The following SLC35D3 variants were observed in gnomAD, a reference collection of about 807,000 sequenced individuals.
The protein encoded by SLC35D3 is frc, fringe-like 1.
Under a neutral mutation model 20.3 loss-of-function variants are expected in SLC35D3, and 18 were observed. The ratio of observed to expected loss-of-function variants is 0.89; its 90% confidence interval spans 0.61 to 1.32. SLC35D3 has a LOEUF of 1.32. SLC35D3 is among the 40% of genes most tolerant of loss of function. The pLI, the probability that SLC35D3 is intolerant of heterozygous loss-of-function variation, is 0.00. For missense variants in SLC35D3, 556 were observed against 565.5 expected, an observed-to-expected ratio of 0.98 and a Z score of 0.17; for synonymous variants, 313 against 263.5, an observed-to-expected ratio of 1.19 and a Z score of -1.82.
At position 136,923,991 on chromosome 6, in the gene SLC35D3, C is replaced by G. The variant is rs145079292; in HGVS notation, c.546C>G (p.Thr182=). The change falls in exon 2 of 2, where the codon ACC becomes ACG. Residue 182 remains threonine (T), a synonymous_variant. Coordinates refer to ENST00000331858, the MANE Select transcript of SLC35D3 (RefSeq NM_001008783.3). This position sits in a 1 kb window ranked among gnomAD's most constrained non-coding sequence, Gnocchi z 6.2. ...TCATCCAGAAGGCCAGCGCAGACACCGAGCACGGGCCGCTCACCGCGCAGT... is the reference window on the plus strand; with the variant it reads ...TCATCCAGAAGGCCAGCGCAGACACGGAGCACGGGCCGCTCACCGCGCAGT... ...LVLIQKASAD[T]EHGPLTAQYV... The G allele has an allele frequency of 1.4e-5, 22 of 1,588,462 alleles. No individual in the cohort carries two copies. The African/African-American group carries it at 2.7e-4, about 19-fold the overall frequency.
Position 136,924,044 on chromosome 6 carries a change from T to C in SLC35D3, c.599T>C (p.Leu200Pro). The part of the protein sequence containing the change: ...QYVIAVSATP[L>P]LVICSFASTD... ...GTCATCGCCGTCTCTGCCACCCCGC[T>C]GCTGGTCATCTGCTCCTTCGCCAGC... Residue 200 changes from leucine (L) to proline (P), a missense_variant, in exon 2 of 2, where the codon CTG (leucine) becomes CCG (proline). Leu to Pro is a moderately conservative substitution (Grantham distance 98). Coordinates refer to ENST00000331858, the MANE Select transcript of SLC35D3 (RefSeq NM_001008783.3). 1 of 1,608,552 alleles carries C rather than the reference T, an allele frequency of 6.2e-7. No individual in the cohort carries two copies. The highest frequency in any genetic ancestry group is 8.5e-7 in the Non-Finnish European group (1 of 1,178,912).
Position 136,923,746 on chromosome 6 carries a change from G to T in SLC35D3, c.440-139G>T. 1 of 813,756 alleles carries T rather than the reference G, an allele frequency of 1.2e-6. No homozygotes were observed. Among genetic ancestry groups the T allele is most frequent in the South Asian group, 1.9e-5 (1 of 53,810 alleles). The allele number at this position is 813,756 out of a possible 1,614,324, so 50.4% of individuals were successfully genotyped here. A position where few individuals can be genotyped will look rare whatever the true frequency, so the allele number is the denominator to read the frequency against. ...CGGGCGTCTGTCACTCAGGAATCCG[G>T]TGGGCAGAGCTGGGGCGCGAACCCA... On this transcript the variant is annotated intron_variant, in intron 1 of 1. Transcript: ENST00000331858. The surrounding 1 kb of genome is among the most constrained non-coding windows in gnomAD (Gnocchi z 6.2).
At position 136,922,850 on chromosome 6, in the gene SLC35D3, G is replaced by T; in HGVS notation, c.422G>T (p.Cys141Phe). 1 of 1,540,404 alleles carries T rather than the reference G, an allele frequency of 6.5e-7. No homozygotes were observed. ...GVLAAVLITT[C>F]GAALAGAGDL... ...CTGGCGGCGGTGCTCATCACCACCT[G>T]CGGCGCCGCCCTGGCAGGTGAGCGG... The change falls in exon 1 of 2, where the codon TGC (cysteine) becomes TTC (phenylalanine). Residue 141 changes from cysteine to phenylalanine, a missense_variant. Physicochemically the swap from Cys to Phe is radical, Grantham distance 205 (BLOSUM62 -2). Transcript: ENST00000331858. The surrounding 1 kb of genome is among the most constrained non-coding windows in gnomAD (Gnocchi z 6.8).
At position 136,924,796 on chromosome 6, in the gene SLC35D3, T is replaced by C; in HGVS notation, c.*100T>C. The stretch of plus-strand genomic sequence containing the variant: ...CCTCCCCGTTTTATTCTTTGAGGAG[T>C]GGGGAAGGGAAGAAAAGAAAGAAGC... On this transcript the variant is annotated 3_prime_UTR_variant, in exon 2 of 2. Transcript: ENST00000331858. 8.3e-7 allele frequency: 1 copy of C among 1,199,418 alleles called. No homozygotes were observed. The highest frequency in any genetic ancestry group is 1.1e-6 in the Non-Finnish European group (1 of 883,168). The allele number at this position is 1,199,418 out of a possible 1,614,324, so 74.3% of individuals were successfully genotyped here.
Position 136,924,287 on chromosome 6 carries a change from C to T in SLC35D3, c.842C>T (p.Ser281Phe). Residue 281 changes from serine (S) to phenylalanine (F), a missense_variant, in exon 2 of 2, where the codon TCT becomes TTT. Physicochemically the swap from Ser to Phe is radical, Grantham distance 155 (BLOSUM62 -2). Coordinates refer to ENST00000331858, the MANE Select transcript of SLC35D3 (RefSeq NM_001008783.3). ...GCCTTCAGCGACGTGGAGCCCACCT[C>T]TCTGTTCATTGCCGGCGTGGTGGTG... is the stretch of plus-strand genomic sequence containing the variant. ...MVAFSDVEPT[S>F]LFIAGVVVNT... 4 of 1,614,166 alleles carry T rather than the reference C, an allele frequency of 2.5e-6. No homozygotes were observed. Among genetic ancestry groups the T allele is most frequent in the Non-Finnish European group, 2.5e-6 (3 of 1,180,048 alleles).
chr6:136,924,754 C>G lies in SLC35D3; in HGVS notation c.*58C>G. ...CACTTATTTTATATGTTAGAAATGA[C>G]GTGTTTTAATGAGAGGCCTCCCCGT... On this transcript the variant is annotated 3_prime_UTR_variant, in exon 2 of 2. Coordinates refer to ENST00000331858, the MANE Select transcript of SLC35D3 (RefSeq NM_001008783.3). The G allele has an allele frequency of 6.8e-7, 1 of 1,476,038 alleles. No homozygotes were observed. Among genetic ancestry groups the G allele is most frequent in the Non-Finnish European group, 9.1e-7 (1 of 1,104,170 alleles). The allele number at this position is 1,476,038 out of a possible 1,614,324, so 91.4% of individuals were successfully genotyped here.
At position 136,924,680 on chromosome 6, in the gene SLC35D3, A is replaced by G. The variant is rs1221929081; in HGVS notation, c.1235A>G (p.Glu412Gly). The G allele has an allele frequency of 3.7e-6, 6 of 1,610,924 alleles. No individual in the cohort carries two copies. The highest frequency in any genetic ancestry group is 5.1e-6 in the Non-Finnish European group (6 of 1,178,150). ...AAGGATTATTTGATAGAAAACGAGG[A>G]GTTACCCAGTCCTTGAGAAGGAGGT... is the stretch of plus-strand genomic sequence containing the variant. Reference protein sequence around the residue: ...MKKDYLIENEELPSP With the variant: ...MKKDYLIENEGLPSP The change falls in exon 2 of 2, where the codon GAG becomes GGG. Residue 412 changes from glutamate (E) to glycine (G), a missense_variant. Physicochemically the swap from Glu to Gly is moderately conservative, Grantham distance 98. Coordinates refer to ENST00000331858, the MANE Select transcript of SLC35D3 (RefSeq NM_001008783.3).
Position 136,924,608 on chromosome 6 carries a change from C to A in SLC35D3, c.1163C>A (p.Ala388Asp). ...GGGAGCAGGAGGTCGTTAAAAGATG[C>A]TTACCTCGAGGTATGGAGGTTGGTT... Reference protein sequence around the residue: ...EEGSRRSLKDAYLEVWRLVRG... With the variant: ...EEGSRRSLKDDYLEVWRLVRG... Residue 388 changes from alanine to aspartate, a missense_variant, in exon 2 of 2, where the codon GCT (alanine) becomes GAT (aspartate). Physicochemically the swap from Ala to Asp is moderately radical, Grantham distance 126 (BLOSUM62 -2). Coordinates refer to ENST00000331858, the MANE Select transcript of SLC35D3 (RefSeq NM_001008783.3). 1 of 1,614,048 alleles carries A rather than the reference C, an allele frequency of 6.2e-7. No homozygotes were observed.
chr6:136,923,995 C>T lies in SLC35D3; in HGVS notation c.550C>T (p.His184Tyr). The change falls in exon 2 of 2, where the codon CAC (histidine) becomes TAC (tyrosine). Residue 184 changes from histidine to tyrosine, a missense_variant. Transcript: ENST00000331858. The surrounding 1 kb of genome is among the most constrained non-coding windows in gnomAD (Gnocchi z 6.2). Reference sequence around the variant, plus strand: ...CCAGAAGGCCAGCGCAGACACCGAGCACGGGCCGCTCACCGCGCAGTACGT... The same window carrying T: ...CCAGAAGGCCAGCGCAGACACCGAGTACGGGCCGCTCACCGCGCAGTACGT... Reference protein sequence around the residue: ...LIQKASADTEHGPLTAQYVIA... With the variant: ...LIQKASADTEYGPLTAQYVIA... The T allele has an allele frequency of 6.3e-7, 1 of 1,591,092 alleles. No homozygotes were observed.
Position 136,924,300 on chromosome 6 carries a change from C to T in SLC35D3, c.855C>T (p.Ala285=). 1.9e-6 allele frequency: 3 copies of T among 1,614,122 alleles called. No homozygotes were observed. Among genetic ancestry groups the T allele is most frequent in the Non-Finnish European group, 2.5e-6 (3 of 1,180,038 alleles). The change falls in exon 2 of 2, where the codon GCC becomes GCT. Residue 285 remains alanine, a synonymous_variant. Transcript: ENST00000331858. ...SDVEPTSLFI[A]GVVVNTLGSI... is the part of the protein sequence containing the mutation. ...TGGAGCCCACCTCTCTGTTCATTGCCGGCGTGGTGGTGAACACCCTGGGCT... is the reference window on the plus strand; with the variant it reads ...TGGAGCCCACCTCTCTGTTCATTGCTGGCGTGGTGGTGAACACCCTGGGCT...
chr6:136,923,870 C>T lies in SLC35D3; in HGVS notation c.440-15C>T. 1 of 1,499,640 alleles carries T rather than the reference C, an allele frequency of 6.7e-7. No homozygotes were observed. Among genetic ancestry groups the T allele is most frequent in the Non-Finnish European group, 8.9e-7 (1 of 1,123,152 alleles). The allele number at this position is 1,499,640 out of a possible 1,614,324, so 92.9% of individuals were successfully genotyped here. A position where few individuals can be genotyped will look rare whatever the true frequency, so the allele number is the denominator to read the frequency against. On this transcript the variant is annotated splice_polypyrimidine_tract_variant and intron_variant, in intron 1 of 1. Coordinates refer to ENST00000331858, the MANE Select transcript of SLC35D3 (RefSeq NM_001008783.3). The surrounding 1 kb of genome is among the most constrained non-coding windows in gnomAD (Gnocchi z 6.2). ...CTTCCCGCCCGGGCTCGGCCGTCCT[C>T]CTCGTGCGCCGCAGGAGCCGGCGAC...
rs1776115120 is a variant in SLC35D3 at position 136,925,002 on chromosome 6, A to G, written c.*306A>G. 1 of 234,732 alleles carries G rather than the reference A, an allele frequency of 4.3e-6. No homozygotes were observed. Among genetic ancestry groups the G allele is most frequent in the Non-Finnish European group, 8.3e-6 (1 of 120,376 alleles). The allele number at this position is 234,732 out of a possible 1,614,324, so 14.5% of individuals were successfully genotyped here. On this transcript the variant is annotated 3_prime_UTR_variant, in exon 2 of 2. Coordinates refer to ENST00000331858, the MANE Select transcript of SLC35D3 (RefSeq NM_001008783.3). ...ATTATAACCATAACTAAATATCTGCATGTACCAAGAGTCCCTAAGCCACCC... is the reference window on the plus strand; with the variant it reads ...ATTATAACCATAACTAAATATCTGCGTGTACCAAGAGTCCCTAAGCCACCC...
In SLC35D3 at chr6:136,923,167, C is replaced by G. The variant is rs972849595; in HGVS notation, c.439+300C>G. ...CCCTCTCCTGGTCTTCCCCTGTCAC[C>G]CCATTCTCCGGGAGAGGTGGGAGGG... is the stretch of plus-strand genomic sequence containing the variant. On this transcript the variant is annotated intron_variant, in intron 1 of 1. Transcript: ENST00000331858. The surrounding 1 kb of genome is among the most constrained non-coding windows in gnomAD (Gnocchi z 6.2). Among the ~76,000 whole-genome samples the G allele has an allele frequency of 6.6e-6, 1 of 152,178 alleles. No homozygotes were observed. Among genetic ancestry groups the G allele is most frequent in the Non-Finnish European group, 1.5e-5 (1 of 68,030 alleles).
rs1195617970 is a variant in SLC35D3 at position 136,923,831 on chromosome 6, CTT to C, written c.440-53_440-52del. On this transcript the variant is annotated intron_variant, in intron 1 of 1. Coordinates refer to ENST00000331858, the MANE Select transcript of SLC35D3 (RefSeq NM_001008783.3). This position sits in a 1 kb window ranked among gnomAD's most constrained non-coding sequence, Gnocchi z 6.2. ...GTCCCCGCCCACGCCAACCTGCTGT[CTT>C]CTCTCTTTTTCCTTCCCGCCCGGGC... 1 of 1,453,194 alleles carries C rather than the reference CTT, an allele frequency of 6.9e-7. No individual in the cohort carries two copies. Among genetic ancestry groups the C allele is most frequent in the African/African-American group, 1.4e-5 (1 of 70,918 alleles). 90.0% of individuals were successfully genotyped at this position (1,453,194 alleles called of 1,614,324 possible).
rs765284697 is a variant in SLC35D3 at position 136,924,675 on chromosome 6, C to G, written c.1230C>G (p.Asn410Lys). 2.5e-6 allele frequency: 4 copies of G among 1,612,216 alleles called. No homozygotes were observed. Among genetic ancestry groups the G allele is most frequent in the South Asian group, 2.2e-5 (2 of 90,934 alleles). Residue 410 changes from asparagine (N) to lysine (K), a missense_variant, in exon 2 of 2, where the codon AAC (asparagine) becomes AAG (lysine). Transcript: ENST00000331858. ...TGAAGAAGGATTATTTGATAGAAAA[C>G]GAGGAGTTACCCAGTCCTTGAGAAG... The part of the protein sequence containing the change: ...RYMKKDYLIE[N>K]EELPSP
At position 136,922,580 on chromosome 6, in the gene SLC35D3, C is replaced by A; in HGVS notation, c.152C>A (p.Thr51Asn). 6.2e-7 allele frequency: 1 copy of A among 1,612,474 alleles called. No homozygotes were observed. The highest frequency in any genetic ancestry group is 8.5e-7 in the Non-Finnish European group (1 of 1,179,728). ...LTLVQCLTSS[T>N]AALSLELLRR... ...CTGGTGCAGTGCCTGACCAGCTCCA[C>A]CGCGGCGCTGAGCCTGGAGCTGCTG... is the stretch of plus-strand genomic sequence containing the variant. The change falls in exon 1 of 2, where the codon ACC (threonine) becomes AAC (asparagine). Residue 51 changes from threonine (T) to asparagine (N), a missense_variant. Transcript: ENST00000331858. The surrounding 1 kb of genome is among the most constrained non-coding windows in gnomAD (Gnocchi z 6.8).
rs1211226455 is a variant in SLC35D3, at chr6:136,923,290, G to T, written c.439+423G>T. On this transcript the variant is annotated intron_variant, in intron 1 of 1. Coordinates refer to ENST00000331858, the MANE Select transcript of SLC35D3 (RefSeq NM_001008783.3). This position sits in a 1 kb window ranked among gnomAD's most constrained non-coding sequence, Gnocchi z 6.2. The stretch of plus-strand genomic sequence containing the variant: ...GGTCACGAGGGGCTGGAATGGAGGT[G>T]GGGGATGGGGGCGAAGCTGAGGGTT... 1.3e-5 allele frequency among the ~76,000 whole-genome samples: 2 copies of T among 152,212 alleles called. No homozygotes were observed. The highest frequency in any genetic ancestry group is 1.3e-4 in the Admixed American group (2 of 15,292).
At position 136,925,007 on chromosome 6, in the gene SLC35D3, C is replaced by G. The variant is rs1776115245; in HGVS notation, c.*311C>G. 1 of 220,668 alleles carries G rather than the reference C, an allele frequency of 4.5e-6. No individual in the cohort carries two copies. Among genetic ancestry groups the G allele is most frequent in the South Asian group, 1.0e-4 (1 of 9,606 alleles). The allele number at this position is 220,668 out of a possible 1,614,324, so 13.7% of individuals were successfully genotyped here. ...AACCATAACTAAATATCTGCATGTACCAAGAGTCCCTAAGCCACCCCCTCC... is the reference window on the plus strand; with the variant it reads ...AACCATAACTAAATATCTGCATGTAGCAAGAGTCCCTAAGCCACCCCCTCC... On this transcript the variant is annotated 3_prime_UTR_variant, in exon 2 of 2. Transcript: ENST00000331858.
Position 136,923,550 on chromosome 6 carries a change from G to A in SLC35D3, c.440-335G>A, listed in dbSNP as rs1030396531. 1.3e-5 allele frequency among the ~76,000 whole-genome samples: 2 copies of A among 152,230 alleles called. No individual in the cohort carries two copies. The highest frequency in any genetic ancestry group is 6.5e-5 in the Admixed American group (1 of 15,292). On this transcript the variant is annotated intron_variant, in intron 1 of 1. Coordinates refer to ENST00000331858, the MANE Select transcript of SLC35D3 (RefSeq NM_001008783.3). This position sits in a 1 kb window ranked among gnomAD's most constrained non-coding sequence, Gnocchi z 6.2. Reference sequence around the variant, plus strand: ...CGGGGTGCAGGTACCACGCGCCCAAGTGACCTCGGTGCCAGCTCGGGGAAG... The same window carrying A: ...CGGGGTGCAGGTACCACGCGCCCAAATGACCTCGGTGCCAGCTCGGGGAAG...
Sources: gnomAD v4.1 joint callset for allele counts (sites outside exome capture counted in the v4.1 genomes callset) on GRCh38, gnomAD v4.1.1 for gene constraint, Gnocchi (gnomAD v3.1) non-coding constraint, MANE v1.5 for transcripts, NCBI Gene and HGNC (gene_info 2026-07-23, HGNC 2026-07-21) for gene names.